The following CSMD1 variants were observed in gnomAD, a reference collection of about 807,000 sequenced individuals.
CSMD1 encodes CUB and sushi domain-containing protein 1.
A neutral mutation model predicts 417.5 loss-of-function variants in CSMD1; 213 were observed. The observed-to-expected ratio is 0.51, with a 90% confidence interval of 0.46 to 0.57. The LOEUF is 0.57. Among genes scored for constraint, CSMD1 ranks in the 20% least tolerant of loss-of-function variants. CSMD1 has a pLI of 0.00. For missense variants in CSMD1, 6,923 were observed against 4,529.7 expected, an observed-to-expected ratio of 1.53 and a Z score of -15.17; for synonymous variants, 2,862 against 1,736.8, an observed-to-expected ratio of 1.65 and a Z score of -16.11.
chr8:4,497,931 A>T (rs1802058707), intron 2 of CSMD1, among the ~76,000 whole-genome samples: 1 of 152,144 alleles, frequency 6.6e-6, no homozygotes, highest in Non-Finnish European at 1.5e-5. Flanking sequence ...ACGGACACAG[A>T]CCTGCAACTG....
At chr8:3,870,989 T>C (rs535371812) in intron 5 of CSMD1, among the ~76,000 whole-genome samples, 1 of 129,058 alleles carries the variant, frequency 7.7e-6, no homozygotes, top group Non-Finnish European at 1.8e-5. Flanking sequence ...TAATTTTTTC[T>C]CATTCAATGT....
At chr8:4,054,052 G>A (rs1798568513) in intron 3 of CSMD1, among the ~76,000 whole-genome samples, 2 of 152,124 alleles carry the variant, frequency 1.3e-5, no homozygotes, top group African/African-American at 4.8e-5. Context: ...TTCACTGAGA[G>A]CCAAATGCTA....
chr8:4,673,825 A>C (rs1805503013), intron 1 of CSMD1, among the ~76,000 whole-genome samples: 1 of 152,188 alleles, frequency 6.6e-6, no homozygotes, highest in Non-Finnish European at 1.5e-5. Context: ...ACAGAGACTA[A>C]AAGCAATTGA....
intron 1 of CSMD1, among the ~76,000 whole-genome samples, chr8:4,695,883 G>A (rs1563160343): frequency 6.6e-6 from 1 of 152,182 alleles, no homozygotes. Context: ...TTGAACATGA[G>A]AAACCCTATG....
Position 3,988,647 on chromosome 8 carries a change from G to C in CSMD1, c.818+9256C>G, listed in dbSNP as rs182865764. ...CGTTTAATAGATAAATATGTACTTCGGTCAAAATTCCACTGTTATCACATT... is the reference window on the plus strand; with the variant it reads ...CGTTTAATAGATAAATATGTACTTCCGTCAAAATTCCACTGTTATCACATT... On this transcript the variant is annotated intron_variant, in intron 5 of 69. Transcript: ENST00000635120. Among the ~76,000 whole-genome samples the C allele has an allele frequency of 2.0e-5, 3 of 152,120 alleles. 1 individual carries two copies. The highest frequency in any genetic ancestry group is 4.1e-4 in the South Asian group (2 of 4,830).
At chr8:4,116,967 A>G (rs12677789) in intron 3 of CSMD1, among the ~76,000 whole-genome samples, 150,443 of 152,082 alleles carry the variant, frequency 0.99, 74,439 homozygotes, top group East Asian at 1. Flanking sequence ...CAGGCTGGTA[A>G]GAGGCTACAC....
rs540661359 is a variant in CSMD1 at position 4,479,667 on chromosome 8, G to A, written c.303-59602C>T. Among the ~76,000 whole-genome samples the A allele has an allele frequency of 2.7e-3, 407 of 152,182 alleles. 9 individuals carry two copies. In the Middle Eastern group the frequency reaches 0.051, roughly 19 times the overall value. On this transcript the variant is annotated intron_variant, in intron 2 of 69. Coordinates refer to ENST00000635120, the MANE Select transcript of CSMD1 (RefSeq NM_033225.6). ...TCCCAGCACTTTGGGAGATCCAGGTGGGTAGACCACGAGGTCAGGAGAGAG... is the reference window on the plus strand; with the variant it reads ...TCCCAGCACTTTGGGAGATCCAGGTAGGTAGACCACGAGGTCAGGAGAGAG...
At chr8:3,292,996 T>A (rs1452054102) in intron 25 of CSMD1, among the ~76,000 whole-genome samples, 2 of 152,164 alleles carry the variant, frequency 1.3e-5, no homozygotes, top group Non-Finnish European at 2.9e-5. Flanking sequence ...AGTGCTTCCT[T>A]CAGGAGGTCT....
chr8:4,037,314 G>C (rs560072447), intron 3 of CSMD1, among the ~76,000 whole-genome samples: 1 of 152,234 alleles, frequency 6.6e-6, no homozygotes, highest in East Asian at 1.9e-4. Context: ...TTTGCTTAGA[G>C]CCACATTTTC....
chr8:4,979,270 G>C (rs1348124990), intron 1 of CSMD1, among the ~76,000 whole-genome samples: 8 of 152,134 alleles, frequency 5.3e-5, no homozygotes, highest in Admixed American at 5.2e-4. Context: ...AGCTTAGTAA[G>C]AGCCATGCGT....
chr8:3,666,869 G>T (rs1476477372), intron 7 of CSMD1, among the ~76,000 whole-genome samples: 2 of 152,112 alleles, frequency 1.3e-5, no homozygotes, highest in African/African-American at 4.8e-5. Flanking sequence ...GTCTCAGATA[G>T]GTCTTTATCA....
intron 10 of CSMD1, among the ~76,000 whole-genome samples, chr8:3,528,339 C>T (rs1797838894): frequency 2.0e-5 from 3 of 152,090 alleles, no homozygotes; most frequent in Non-Finnish European, 4.4e-5. Context: ...TCTATTTATA[C>T]CAAAGGAAAG....
chr8:4,810,186 C>T (rs1311573791), intron 1 of CSMD1, among the ~76,000 whole-genome samples: 1 of 152,126 alleles, frequency 6.6e-6, no homozygotes, highest in East Asian at 1.9e-4. Context: ...AAGAACTGAG[C>T]AGTATTAACT....
At chr8:3,316,297 A>G (rs979985653) in intron 23 of CSMD1, among the ~76,000 whole-genome samples, 1 of 152,200 alleles carries the variant, frequency 6.6e-6, no homozygotes, top group East Asian at 1.9e-4. Context: ...ACTTGCCAAT[A>G]AAAATAAAGG....
At chr8:3,592,786 C>T (rs11994221) in intron 8 of CSMD1, among the ~76,000 whole-genome samples, 5,126 of 152,120 alleles carry the variant, frequency 0.034, 295 homozygotes, top group African/African-American at 0.11. Context: ...GCACAGCACA[C>T]GTTAAAAGTT....
intron 3 of CSMD1, among the ~76,000 whole-genome samples, chr8:4,053,614 T>C (rs1798545495): frequency 1.3e-5 from 2 of 152,156 alleles, no homozygotes; most frequent in African/African-American, 2.4e-5. Context: ...TCCTTTCTAT[T>C]ACTACAGATT....
At chr8:3,346,046 C>A (rs1807968465) in intron 22 of CSMD1, among the ~76,000 whole-genome samples, 1 of 152,024 alleles carries the variant, frequency 6.6e-6, no homozygotes, top group South Asian at 2.1e-4. Flanking sequence ...TGCGAAGGAT[C>A]AATGTGAACA....
At chr8:3,485,409 G>C (rs1207782418) in intron 11 of CSMD1, among the ~76,000 whole-genome samples, 1 of 151,956 alleles carries the variant, frequency 6.6e-6, no homozygotes, top group Non-Finnish European at 1.5e-5. Context: ...CAGGGAGTTG[G>C]CTATGATTAT....
At chr8:4,158,681 G>A (rs1185248260) in intron 3 of CSMD1, among the ~76,000 whole-genome samples, 1 of 152,046 alleles carries the variant, frequency 6.6e-6, no homozygotes, top group East Asian at 1.9e-4. Flanking sequence ...TGAGTATTAT[G>A]GGCCAGCAGC....
Sources: gnomAD v4.1 joint callset for allele counts (sites outside exome capture counted in the v4.1 genomes callset) on GRCh38, gnomAD v4.1.1 for gene constraint, MANE v1.5 for transcripts, NCBI Gene and HGNC (gene_info 2026-07-23, HGNC 2026-07-21) for gene names.